GLT8D2: variants seen among roughly 807,000 people sequenced by gnomAD.
The protein encoded by GLT8D2 is glycosyltransferase 8 domain containing 2, also known as glycosyltransferase 8 domain-containing protein 2.
In GLT8D2, 45 loss-of-function variants were observed where a neutral mutation model predicts 44.5. That is an observed-to-expected ratio of 1.01 (90% CI 0.80 to 1.30). GLT8D2 has a LOEUF of 1.30. Among genes scored for constraint, GLT8D2 ranks in the 50% most tolerant of loss-of-function variants. The pLI is 0.00. For missense variants in GLT8D2, 400 were observed against 430.4 expected, an observed-to-expected ratio of 0.93 and a Z score of 0.62; for synonymous variants, 156 against 157.2, an observed-to-expected ratio of 0.99 and a Z score of 0.06.
At chr12:104,014,096 G>A (rs1419428231) in intron 4 of GLT8D2, 1 of 521,494 alleles carries the variant, frequency 1.9e-6, no homozygotes, top group Non-Finnish European at 3.4e-6. Context: ...TGGGCATGGA[G>A]CTCATGCCTG....
chr12:104,064,388 C>G (rs560331259), upstream of GLT8D2: 492 of 547,234 alleles, frequency 9.0e-4, 2 homozygotes, highest in African/African-American at 9.5e-3. The surrounding 1 kb of genome is among the most constrained non-coding windows in gnomAD (Gnocchi z 7.3). Context: ...GCTCCCCTGT[C>G]AGGACCCCCC....
intron 1 of GLT8D2, among the ~76,000 whole-genome samples, chr12:104,037,232 C>T (rs1666094934): frequency 6.6e-6 from 1 of 151,926 alleles, no homozygotes; most frequent in African/African-American, 2.4e-5. Context: ...AAATCGACAC[C>T]CTAACATCAC....
chr12:104,009,056 C>A (rs527353104), intron 4 of GLT8D2, among the ~76,000 whole-genome samples: 1 of 152,212 alleles, frequency 6.6e-6, no homozygotes, highest in South Asian at 2.1e-4. Flanking sequence ...GGGGTCAGAG[C>A]CCCCACGCAG....
At chr12:104,016,849 A>AGAAAGAAAGAAAGAAG (rs1876882988) in intron 3 of GLT8D2, among the ~76,000 whole-genome samples, 1 of 150,290 alleles carries the variant, frequency 6.7e-6, no homozygotes, top group Admixed American at 6.6e-5. Flanking sequence ...AAAGAAAGAA[A>AGAAAGAAAGAAAGAAG]GAAAGAAAGA....
chr12:104,045,363 TGTG>T (rs1435313793), intron 1 of GLT8D2, among the ~76,000 whole-genome samples: 1 of 152,166 alleles, frequency 6.6e-6, no homozygotes, highest in African/African-American at 2.4e-5. Context: ...GTGGTTTCTC[TGTG>T]GTAATAAATA....
chr12:104,008,606 C>T (rs1875398843), intron 4 of GLT8D2, among the ~76,000 whole-genome samples: 1 of 152,170 alleles, frequency 6.6e-6, no homozygotes, highest in South Asian at 2.1e-4. Context: ...CAGAAATTTG[C>T]ATAAGTAACA....
In GLT8D2 at chr12:104,006,134, TA is replaced by T. The variant is rs1874975262; in HGVS notation, c.113-2829del. 2.1e-5 allele frequency among the ~76,000 whole-genome samples: 3 copies of T among 144,840 alleles called. No individual in the cohort carries two copies. In the Admixed American group the frequency reaches 2.2e-4, roughly 11 times the overall value. On this transcript the variant is annotated intron_variant, in intron 4 of 10. Transcript: ENST00000360814. ...CATTCTCAGCAAACTATCGCAGGGA[TA>T]AAAAACCAAACACTGCATGTTCTCA... is the stretch of plus-strand genomic sequence containing the variant.
intron 1 of GLT8D2, among the ~76,000 whole-genome samples, chr12:104,046,015 A>C (rs1449016791): frequency 2.0e-5 from 3 of 152,178 alleles, no homozygotes; most frequent in Non-Finnish European, 2.9e-5. Flanking sequence ...TGGTTATAGT[A>C]TGGTAGGGAG....
chr12:104,059,848 G>T (rs916915513), intron 1 of GLT8D2, among the ~76,000 whole-genome samples: 1 of 152,234 alleles, frequency 6.6e-6, no homozygotes, highest in South Asian at 2.1e-4. Flanking sequence ...GGGCCCACAA[G>T]TCTCACCATC....
intron 4 of GLT8D2, among the ~76,000 whole-genome samples, chr12:104,007,992 C>G (rs915746395): frequency 6.6e-6 from 1 of 152,322 alleles, no homozygotes; most frequent in Non-Finnish European, 1.5e-5. Flanking sequence ...CCATGTGGAA[C>G]TGTAAGTCCG....
chr12:104,000,532 A>C (rs1418559041), intron 5 of GLT8D2, among the ~76,000 whole-genome samples: 1 of 152,190 alleles, frequency 6.6e-6, no homozygotes, highest in East Asian at 1.9e-4. Context: ...ATTCTACTTC[A>C]ATGAAAAAAA....
upstream of GLT8D2, among the ~76,000 whole-genome samples, chr12:104,053,091 G>C (rs1881861625): frequency 6.6e-6 from 1 of 152,160 alleles, no homozygotes; most frequent in South Asian, 2.1e-4. Flanking sequence ...CCAGAATTAT[G>C]TGCTGTTAAC....
At chr12:104,017,130 G>T (rs1158777044) in intron 3 of GLT8D2, among the ~76,000 whole-genome samples, 1 of 152,084 alleles carries the variant, frequency 6.6e-6, no homozygotes, top group Non-Finnish European at 1.5e-5. Flanking sequence ...ATATGAGAAA[G>T]TCAATCTTTC....
At chr12:104,059,321 C>G (rs1882432157) in intron 1 of GLT8D2, among the ~76,000 whole-genome samples, 1 of 152,154 alleles carries the variant, frequency 6.6e-6, no homozygotes, top group Non-Finnish European at 1.5e-5. Context: ...TCTTTCTGAA[C>G]AGATCTACTT....
chr12:104,057,967 G>T (rs190965509), intron 1 of GLT8D2, among the ~76,000 whole-genome samples: 1 of 152,312 alleles, frequency 6.6e-6, no homozygotes, highest in Admixed American at 6.5e-5. Flanking sequence ...CTAGCTAGGG[G>T]TTCAGTGTCC....
At chr12:103,990,273 C>G (rs1429001786) in intron 10 of GLT8D2, among the ~76,000 whole-genome samples, 7 of 151,644 alleles carry the variant, frequency 4.6e-5, no homozygotes, top group Non-Finnish European at 7.4e-5. Context: ...GTTCTTTTTT[C>G]TCTGCATTTC....
chr12:103,989,399 A>G lies in GLT8D2; in HGVS notation c.*9T>C. The G allele has an allele frequency of 1.3e-6, 2 of 1,591,664 alleles. No homozygotes were observed. The highest frequency in any genetic ancestry group is 1.7e-6 in the Non-Finnish European group (2 of 1,167,460). On this transcript the variant is annotated 3_prime_UTR_variant, in exon 11 of 11. Transcript: ENST00000360814. ...TCTATACAGGGAATATTTTAAGGGTAGAGTTATATCAGCTATGGTGATTGA... is the reference window on the plus strand; with the variant it reads ...TCTATACAGGGAATATTTTAAGGGTGGAGTTATATCAGCTATGGTGATTGA...
upstream of GLT8D2, among the ~76,000 whole-genome samples, chr12:104,051,370 A>G (rs547365156): frequency 3.3e-5 from 5 of 152,312 alleles, no homozygotes; most frequent in Admixed American, 6.5e-5. Context: ...TACTTTACCC[A>G]ATATATACAA....
chr12:104,014,118 C>T (rs781774693), intron 4 of GLT8D2: 2 of 542,804 alleles, frequency 3.7e-6, no homozygotes, highest in Non-Finnish European at 6.6e-6. Flanking sequence ...AATCCCAGCA[C>T]TTTGGGAGGC....
Sources: gnomAD v4.1 joint callset for allele counts (sites outside exome capture counted in the v4.1 genomes callset) on GRCh38, gnomAD v4.1.1 for gene constraint, Gnocchi (gnomAD v3.1) non-coding constraint, MANE v1.5 for transcripts, NCBI Gene and HGNC (gene_info 2026-07-23, HGNC 2026-07-21) for gene names.